The following CD83 variants were observed in gnomAD, a reference collection of about 807,000 sequenced individuals.
The protein encoded by CD83 is CD83 antigen.
Under a neutral mutation model 24.6 loss-of-function variants are expected in CD83, and 22 were observed. That is an observed-to-expected ratio of 0.90 (90% CI 0.64 to 1.28). CD83 has a LOEUF of 1.28. Ranked by LOEUF, CD83 falls within the 50% of genes most tolerant of loss-of-function variation. The pLI is 0.00. For missense variants in CD83, 253 were observed against 252.8 expected (o/e 1.00, Z -0.01); for synonymous variants, 101 against 103.5 (o/e 0.98, Z 0.14).
At chr6:14,134,493 G>A in intron 4 of CD83, among the ~76,000 whole-genome samples, 1 of 152,178 alleles carries the variant, frequency 6.6e-6, no homozygotes, top group East Asian at 1.9e-4. Context: ...CATCCACCAG[G>A]CAGGGCTGGC....
In CD83 at chr6:14,117,897, G is replaced by A. The variant is rs775333580; in HGVS notation, c.37+49G>A. ...CGCCTGTCGCCCCCCGCCCCTCCAC[G>A]ACACCCCCTCCCGTCGGTCGCTTGC... On this transcript the variant is annotated intron_variant, in intron 1 of 4. Transcript: ENST00000379153. This position sits in a 1 kb window ranked among gnomAD's most constrained non-coding sequence, Gnocchi z 4.6. The A allele has an allele frequency of 1.1e-5, 17 of 1,580,224 alleles. No homozygotes were observed. The highest frequency in any genetic ancestry group is 4.6e-5 in the East Asian group (2 of 43,570).
At chr6:14,123,771 C>T (rs1280426277) in intron 2 of CD83, among the ~76,000 whole-genome samples, 1 of 106,418 alleles carries the variant, frequency 9.4e-6, no homozygotes, top group Non-Finnish European at 2.0e-5. Context: ...AAAAAAAAAG[C>T]TAAACAAAAA....
intron 2 of CD83, among the ~76,000 whole-genome samples, chr6:14,121,829 C>T (rs1721799368): frequency 6.6e-6 from 1 of 152,030 alleles, no homozygotes; most frequent in Non-Finnish European, 1.5e-5. Context: ...TCATGAAAAG[C>T]GTCGCTGTGT....
chr6:14,119,927 T>C (rs753833775), intron 2 of CD83, among the ~76,000 whole-genome samples: 9 of 152,238 alleles, frequency 5.9e-5, no homozygotes, highest in Non-Finnish European at 8.8e-5. Flanking sequence ...CACTAAACCA[T>C]AGCAATTAAC....
At chr6:14,120,206 G>C (rs1759639892) in intron 2 of CD83, among the ~76,000 whole-genome samples, 1 of 152,176 alleles carries the variant, frequency 6.6e-6, no homozygotes, top group African/African-American at 2.4e-5. Context: ...AACGAATCAG[G>C]TGCCTCGAAA....
At position 14,117,881 on chromosome 6, in the gene CD83, C is replaced by T. The variant is rs1414577318; in HGVS notation, c.37+33C>T. The T allele has an allele frequency of 3.2e-6, 5 of 1,576,194 alleles. No homozygotes were observed. Among genetic ancestry groups the T allele is most frequent in the Non-Finnish European group, 4.3e-6 (5 of 1,166,690 alleles). On this transcript the variant is annotated intron_variant, in intron 1 of 4. Coordinates refer to ENST00000379153, the MANE Select transcript of CD83 (RefSeq NM_004233.4). The surrounding 1 kb of genome is among the most constrained non-coding windows in gnomAD (Gnocchi z 4.6). ...TCGCGAGCGCCTGTCTCGCCTGTCG[C>T]CCCCCGCCCCTCCACGACACCCCCT...
At chr6:14,132,724 G>C (rs1011689476) in intron 3 of CD83, among the ~76,000 whole-genome samples, 2 of 152,154 alleles carry the variant, frequency 1.3e-5, no homozygotes, top group African/African-American at 4.8e-5. Flanking sequence ...ACGGCTGTGA[G>C]AATCCATCCC....
chr6:14,120,014 C>G (rs542224899), intron 2 of CD83, among the ~76,000 whole-genome samples: 6 of 152,106 alleles, frequency 3.9e-5, no homozygotes, highest in Non-Finnish European at 7.4e-5. Context: ...AGAATTCTTG[C>G]GAGATTTACC....
At position 14,128,552 on chromosome 6, in the gene CD83, C is replaced by T. The variant is rs555035370; in HGVS notation, c.154-2968C>T. Among the ~76,000 whole-genome samples, 6 of 152,198 alleles carry T rather than the reference C, an allele frequency of 3.9e-5. No individual in the cohort carries two copies. In the South Asian group the frequency reaches 6.2e-4, roughly 16 times the overall value. On this transcript the variant is annotated intron_variant, in intron 2 of 4. Transcript: ENST00000379153. ...CTGTAGTTAGTTATTAGGCAAACAG[C>T]GCTGTTCATTGGTTTGGCAAGAGTT...
At chr6:14,134,325 C>T in intron 4 of CD83, among the ~76,000 whole-genome samples, 1 of 152,234 alleles carries the variant, frequency 6.6e-6, no homozygotes, top group East Asian at 1.9e-4. Context: ...TGCTCAGGCA[C>T]CCTAGACATG....
chr6:14,117,705 C>T, upstream of CD83: 3 of 808,910 alleles, frequency 3.7e-6, no homozygotes, highest in Admixed American at 4.2e-5. This position sits in a 1 kb window ranked among gnomAD's most constrained non-coding sequence, Gnocchi z 4.6. Flanking sequence ...CGGGGAATCC[C>T]CCGGGCTGGC....
rs1027057949 is a variant in CD83, at chr6:14,136,392, G to A, written c.*1156G>A. ...TCTTTTGGGGAAGTGAGGAAGCCAG[G>A]TCCACGGTCTGTTCTTGAAGCAGTA... On this transcript the variant is annotated 3_prime_UTR_variant, in exon 5 of 5. Coordinates refer to ENST00000379153, the MANE Select transcript of CD83 (RefSeq NM_004233.4). The A allele has an allele frequency of 6.6e-6, 1 of 152,164 alleles. No homozygotes were observed. Among genetic ancestry groups the A allele is most frequent in the Admixed American group, 6.5e-5 (1 of 15,276 alleles). 9.4% of individuals were successfully genotyped at this position (152,164 alleles called of 1,614,324 possible). A position where few individuals can be genotyped will look rare whatever the true frequency, so the allele number is the denominator to read the frequency against.
Position 14,128,589 on chromosome 6 carries a change from C to T in CD83, c.154-2931C>T, listed in dbSNP as rs150472350. On this transcript the variant is annotated intron_variant, in intron 2 of 4. Coordinates refer to ENST00000379153, the MANE Select transcript of CD83 (RefSeq NM_004233.4). Reference sequence around the variant, plus strand: ...GTTTGGCAAGAGTTCCTAGGTTTTGCGGATAGTTCTCTGGGTCATTTAGGA... The same window carrying T: ...GTTTGGCAAGAGTTCCTAGGTTTTGTGGATAGTTCTCTGGGTCATTTAGGA... Among the ~76,000 whole-genome samples, 772 of 152,198 alleles carry T rather than the reference C, an allele frequency of 5.1e-3. 6 individuals carry two copies. Among genetic ancestry groups the T allele is most frequent in the Non-Finnish European group, 8.5e-3 (581 of 68,008 alleles).
At chr6:14,123,181 C>A (rs750629017) in intron 2 of CD83, among the ~76,000 whole-genome samples, 1 of 151,714 alleles carries the variant, frequency 6.6e-6, no homozygotes, top group Admixed American at 6.6e-5. Flanking sequence ...CACTGCAACC[C>A]CCTCTTCCAA....
intron 2 of CD83, among the ~76,000 whole-genome samples, chr6:14,126,771 G>A (rs972163391): frequency 1.3e-5 from 2 of 152,128 alleles, no homozygotes; most frequent in African/African-American, 2.4e-5. Flanking sequence ...CTTTAATTGA[G>A]TTAGAAACCA....
intron 2 of CD83, among the ~76,000 whole-genome samples, chr6:14,119,722 T>C (rs565041006): frequency 6.6e-6 from 1 of 152,360 alleles, no homozygotes; most frequent in African/African-American, 2.4e-5. Context: ...AGGGACTTAG[T>C]TATCTCAAAG....
chr6:14,133,499 C>T (rs1757974303), intron 3 of CD83, 150 bp from the exon 4 acceptor site: 1 of 606,952 alleles, frequency 1.6e-6, no homozygotes, highest in Non-Finnish European at 3.0e-6. Flanking sequence ...CTGCTGTCAC[C>T]TTCACTGTCA....
At chr6:14,118,846 T>C (rs1216968341) in intron 2 of CD83, among the ~76,000 whole-genome samples, 2 of 152,246 alleles carry the variant, frequency 1.3e-5, no homozygotes, top group South Asian at 2.1e-4. Flanking sequence ...ATATCACTGG[T>C]CCTTCTTTAA....
At chr6:14,119,614 T>A (rs2113384964) in intron 2 of CD83, among the ~76,000 whole-genome samples, 1 of 152,336 alleles carries the variant, frequency 6.6e-6, no homozygotes, top group South Asian at 2.1e-4. Context: ...AGCAGTCTGA[T>A]TCCAAATCCT....
Sources: gnomAD v4.1 joint callset for allele counts (sites outside exome capture counted in the v4.1 genomes callset) on GRCh38, gnomAD v4.1.1 for gene constraint, Gnocchi (gnomAD v3.1) non-coding constraint, MANE v1.5 for transcripts, NCBI Gene and HGNC (gene_info 2026-07-23, HGNC 2026-07-21) for gene names.